The following NOXRED1 variants were observed in gnomAD, a reference collection of about 807,000 sequenced individuals.
NOXRED1 encodes the protein NADP dependent oxidoreductase domain containing 1.
In NOXRED1, 20 loss-of-function variants were observed where a neutral mutation model predicts 30.4. The ratio of observed to expected loss-of-function variants is 0.66; its 90% CI spans 0.46 to 0.96. The LOEUF (loss-of-function observed/expected upper bound fraction) is 0.96. NOXRED1 is among the 40% of genes least tolerant of loss of function. The pLI is 0.00. For missense variants in NOXRED1, 374 were observed against 428.0 expected, an observed-to-expected ratio of 0.87 and a Z score of 1.11; for synonymous variants, 155 against 168.0, an observed-to-expected ratio of 0.92 and a Z score of 0.60.
In NOXRED1 at chr14:77,406,772, G is replaced by A. The variant is rs1894478494; in HGVS notation, c.634C>T (p.Leu212Phe). 6.2e-7 allele frequency: 1 copy of A among 1,614,132 alleles called. No individual in the cohort carries two copies. The highest frequency in any genetic ancestry group is 8.5e-7 in the Non-Finnish European group (1 of 1,179,944). The part of the protein sequence containing the change: ...WGANKGVIAA[L>F]QDPTILQATC... ...GCTTGAAGAATCGTAGGATCTTGGA[G>A]AGCAGCTATGACTCCCTTATTGGCC... is the stretch of plus-strand genomic sequence containing the variant. The change falls in exon 4 of 6, where the codon CTC (leucine) becomes TTC (phenylalanine). Residue 212 changes from leucine to phenylalanine, a missense_variant. Coordinates refer to ENST00000380835, the MANE Select transcript of NOXRED1 (RefSeq NM_001113475.3).
intron 5 of NOXRED1, among the ~76,000 whole-genome samples, chr14:77,397,348 A>G (rs1386136057): frequency 6.6e-6 from 1 of 152,252 alleles, no homozygotes; most frequent in Non-Finnish European, 1.5e-5. Context: ...ACAAAATTAT[A>G]GGAATGAAGA....
chr14:77,414,052 A>G lies in NOXRED1; in HGVS notation c.231T>C (p.Phe77=), dbSNP rs1486950461. 1.2e-6 allele frequency: 2 copies of G among 1,611,994 alleles called. No homozygotes were observed. ...GGCCACCTCCAATGATGCCCACCTTAAACTCTTCAGGAGTGGCTGAATTAA... is the reference window on the plus strand; with the variant it reads ...GGCCACCTCCAATGATGCCCACCTTGAACTCTTCAGGAGTGGCTGAATTAA... The part of the protein sequence containing the change: ...GSLNSATPEE[F]KVGIIGGGHL... The change falls in exon 2 of 6, where the codon TTT becomes TTC. Residue 77 remains phenylalanine (F), a synonymous_variant. Coordinates refer to ENST00000380835, the MANE Select transcript of NOXRED1 (RefSeq NM_001113475.3).
chr14:77,395,698 G>T (rs895508199), intron 5 of NOXRED1, among the ~76,000 whole-genome samples: 1 of 151,960 alleles, frequency 6.6e-6, no homozygotes, highest in African/African-American at 2.4e-5. Context: ...AGCTACTCAG[G>T]AGGCTGAGGT....
intron 1 of NOXRED1, among the ~76,000 whole-genome samples, chr14:77,420,911 AG>A (rs1403734796): frequency 2.0e-5 from 3 of 152,152 alleles, no homozygotes; most frequent in East Asian, 3.9e-4. Flanking sequence ...TTTCTATTGC[AG>A]GGGCTGATAA....
At position 77,408,892 on chromosome 14, in the gene NOXRED1, A is replaced by AGTTTTTTTTTTTTTTTTTTTTTTT. The variant is rs1894555831; in HGVS notation, c.350-1248_350-1247insAAAAAAAAAAAAAAAAAAAAAAAC. On this transcript the variant is annotated intron_variant, in intron 2 of 5. Coordinates refer to ENST00000380835, the MANE Select transcript of NOXRED1 (RefSeq NM_001113475.3). ...GCATAAAAACACTCACTGGTAGTTA[A>AGTTTTTTTTTTTTTTTTTTTTTTT]TTTTTTTTTTTTTTTTTTTTGGCTA... 4.4e-5 allele frequency among the ~76,000 whole-genome samples: 3 copies of AGTTTTTTTTTTTTTTTTTTTTTTT among 68,154 alleles called. 1 individual carries two copies. The highest frequency in any genetic ancestry group is 8.0e-5 in the Non-Finnish European group (3 of 37,674). 44.7% of individuals were successfully genotyped at this position (68,154 alleles called of 152,430 possible).
At chr14:77,419,050 C>T (rs1439065600) in intron 1 of NOXRED1, among the ~76,000 whole-genome samples, 2 of 149,288 alleles carry the variant, frequency 1.3e-5, no homozygotes, top group Non-Finnish European at 1.5e-5. Context: ...TGTTGTTTAT[C>T]TGGGAAGCTC....
upstream of NOXRED1, among the ~76,000 whole-genome samples, chr14:77,423,799 C>T (rs549858738): frequency 6.6e-6 from 1 of 152,284 alleles, no homozygotes; most frequent in Admixed American, 6.5e-5. Flanking sequence ...GTTTACAACT[C>T]CTTCTTTTTG....
At chr14:77,415,637 GA>G (rs1894794661) in intron 1 of NOXRED1, among the ~76,000 whole-genome samples, 2 of 150,782 alleles carry the variant, frequency 1.3e-5, no homozygotes, top group African/African-American at 4.9e-5. Flanking sequence ...TAGATAGACA[GA>G]CAGACAGACA....
At chr14:77,405,068 C>A (rs894988902) in intron 5 of NOXRED1, among the ~76,000 whole-genome samples, 2 of 152,108 alleles carry the variant, frequency 1.3e-5, no homozygotes, top group African/African-American at 2.4e-5. Context: ...CATATGCCAC[C>A]GAAATACTGG....
Position 77,422,865 on chromosome 14 carries a change from A to G in NOXRED1, c.25T>C (p.Ser9Pro). 3.1e-6 allele frequency: 5 copies of G among 1,613,734 alleles called. No individual in the cohort carries two copies. The highest frequency in any genetic ancestry group is 2.2e-5 in the East Asian group (1 of 44,876). Residue 9 changes from serine to proline, a missense_variant, in exon 1 of 6, where the codon TCC becomes CCC. Coordinates refer to ENST00000380835, the MANE Select transcript of NOXRED1 (RefSeq NM_001113475.3). ...GGAACCCCATACTCAAACTGCAGGG[A>G]CTCAAGGTCCTGGAGCATGTCCATT... MDMLQDLE[S>P]LQFEYGVPEE...
rs767468586 is a variant in NOXRED1 at position 77,414,109 on chromosome 14, A to G, written c.174T>C (p.Asn58=). 6.9e-6 allele frequency: 11 copies of G among 1,595,088 alleles called. No homozygotes were observed. In the South Asian group the frequency reaches 1.2e-4, roughly 18 times the overall value. Residue 58 remains asparagine, a synonymous_variant, in exon 2 of 6, where the codon AAT becomes AAC. Coordinates refer to ENST00000380835, the MANE Select transcript of NOXRED1 (RefSeq NM_001113475.3). ...LYNLRASLNK[N]QSSRHLSIGS... ...CAATTGAGAGATGTCTGGAACTTTG[A>G]TTCTTATTTAATGATGCTCTGGAGA... is the stretch of plus-strand genomic sequence containing the variant.
At chr14:77,414,169 A>G (rs1169727147) in intron 1 of NOXRED1, 42 bp from the exon 2 acceptor site, 1 of 1,210,136 alleles carries the variant, frequency 8.3e-7, no homozygotes, top group Admixed American at 2.6e-5. Context: ...ATACATGCAC[A>G]CACTAGTTTT....
At position 77,394,709 on chromosome 14, in the gene NOXRED1, G is replaced by A; in HGVS notation, c.1002C>T (p.Thr334=). ...TGCCAAATGAAGCACAGTATAGATG[G>A]GTAAGGTGGTCTTGGAGAACAGGAC... is the stretch of plus-strand genomic sequence containing the variant. The part of the protein sequence containing the change: ...SSSPVLQDHL[T]HLYCASFGIS... Residue 334 remains threonine, a synonymous_variant, in exon 6 of 6, where the codon ACC becomes ACT. Coordinates refer to ENST00000380835, the MANE Select transcript of NOXRED1 (RefSeq NM_001113475.3). 1.9e-6 allele frequency: 3 copies of A among 1,613,032 alleles called. No homozygotes were observed. In the South Asian group the frequency reaches 3.3e-5, roughly 18 times the overall value.
At position 77,405,166 on chromosome 14, in the gene NOXRED1, G is replaced by A. The variant is rs187678638; in HGVS notation, c.905+747C>T. Among the ~76,000 whole-genome samples, 234 of 152,310 alleles carry A rather than the reference G, an allele frequency of 1.5e-3. 2 individuals carry two copies. Among genetic ancestry groups the A allele is most frequent in the South Asian group, 5.0e-3 (24 of 4,830 alleles). On this transcript the variant is annotated intron_variant, in intron 5 of 5. Transcript: ENST00000380835. ...TCCCAGCACTTTGGTAGGCCAAGGC[G>A]GGCGGATCACTTGAGGTCAAGAGTT...
chr14:77,410,756 GATTA>G (rs1894628452), intron 2 of NOXRED1, among the ~76,000 whole-genome samples: 1 of 152,038 alleles, frequency 6.6e-6, no homozygotes, highest in Non-Finnish European at 1.5e-5. Flanking sequence ...CTCTTCTATT[GATTA>G]ATGAAAGACA....
chr14:77,399,989 C>T (rs1894284214), intron 5 of NOXRED1, among the ~76,000 whole-genome samples: 1 of 151,834 alleles, frequency 6.6e-6, no homozygotes, highest in East Asian at 1.9e-4. Context: ...GGAAAAAAAA[C>T]ACCATACCCA....
chr14:77,419,542 G>A (rs1467736835), intron 1 of NOXRED1, among the ~76,000 whole-genome samples: 5 of 145,560 alleles, frequency 3.4e-5, no homozygotes, highest in African/African-American at 5.2e-5. Context: ...TCCGCCTCCC[G>A]GGTTCACGCC....
chr14:77,408,274 T>C (rs1594874020), intron 2 of NOXRED1, among the ~76,000 whole-genome samples: 1 of 152,132 alleles, frequency 6.6e-6, no homozygotes, highest in East Asian at 1.9e-4. Flanking sequence ...TGGCTTACTA[T>C]AGCCTCAACT....
At chr14:77,405,120 C>T (rs150406273) in intron 5 of NOXRED1, among the ~76,000 whole-genome samples, 28 of 152,190 alleles carry the variant, frequency 1.8e-4, no homozygotes, top group Admixed American at 1.2e-3. Context: ...GCAGGCCAGG[C>T]GCACTGGCTC....
Sources: allele counts gnomAD v4.1 joint callset (sites outside exome capture counted in the v4.1 genomes callset), GRCh38; gene constraint gnomAD v4.1.1; transcripts MANE v1.5; gene names NCBI Gene and HGNC (gene_info 2026-07-23, HGNC 2026-07-21).